Variants in MRTFB observed in about 807,000 individuals in gnomAD.
The protein encoded by MRTFB is myocardin-related transcription factor B.
MRTFB carries 29 observed loss-of-function variants against 104.2 expected under a neutral mutation model. That is an observed-to-expected ratio of 0.28 (90% CI 0.21 to 0.38). MRTFB has a LOEUF of 0.38. Ranked by LOEUF, MRTFB falls within the 10% of genes least tolerant of loss-of-function variation. The probability of loss-of-function intolerance (pLI) is 1.00; values close to 1 mark genes in which losing one functional copy is unlikely to be tolerated. For missense variants in MRTFB, 1,270 were observed against 1,341.6 expected (o/e 0.95, Z 0.83); for synonymous variants, 535 against 519.5 (o/e 1.03, Z -0.41).
intron 10 of MRTFB, chr16:14,241,195 T>C (rs2042752301): frequency 6.0e-6 from 1 of 167,808 alleles, no homozygotes; most frequent in Non-Finnish European, 1.3e-5. Flanking sequence ...AGCTGGATGC[T>C]GGTGTTGAAG....
At position 14,164,895 on chromosome 16, in the gene MRTFB, G is replaced by A. The variant is rs544021602; in HGVS notation, c.154+24135G>A. Among the ~76,000 whole-genome samples, 6 of 151,118 alleles carry A rather than the reference G, an allele frequency of 4.0e-5. No homozygotes were observed. The East Asian group carries it at 9.7e-4, about 24-fold the overall frequency. ...GCTTGCTTAAAGTAAAATAATTATC[G>A]AGGGTTAGGGTTGACTCTGCATGTA... On this transcript the variant is annotated intron_variant, in intron 3 of 16. Transcript: ENST00000571589.
chr16:14,027,265 A>G, the MRTFB span, among the ~76,000 whole-genome samples: 1 of 152,324 alleles, frequency 6.6e-6, no homozygotes, highest in South Asian at 2.1e-4. Flanking sequence ...GCTGTGTGAA[A>G]AAAAAGACAC....
intron 2 of MRTFB, among the ~76,000 whole-genome samples, chr16:14,116,830 C>G (rs1468200706): frequency 6.6e-6 from 1 of 152,044 alleles, no homozygotes; most frequent in Non-Finnish European, 1.5e-5. Flanking sequence ...CACAGTCACC[C>G]CTGGTTGAGA....
the MRTFB span, among the ~76,000 whole-genome samples, chr16:14,011,081 C>T: frequency 6.6e-6 from 1 of 152,214 alleles, no homozygotes; most frequent in African/African-American, 2.4e-5. Flanking sequence ...CTCTGCCACC[C>T]CTGTTCCTGT....
At chr16:14,069,538 G>T (rs561168669), upstream of MRTFB, among the ~76,000 whole-genome samples, 1 of 152,102 alleles carries the variant, frequency 6.6e-6, no homozygotes, top group Non-Finnish European at 1.5e-5. Context: ...CAGACTGGAG[G>T]GCAGTGGCAC....
In MRTFB at chr16:14,085,477, C is replaced by T. The variant is rs982677327; in HGVS notation, c.-64+6123C>T. 9.1e-5 allele frequency among the ~76,000 whole-genome samples: 12 copies of T among 131,266 alleles called. No individual in the cohort carries two copies. The South Asian group carries it at 1.3e-3, about 15-fold the overall frequency. 86.1% of individuals were successfully genotyped at this position (131,266 alleles called of 152,430 possible). ...CATCTCAAAAAAAAAAAAAAAAAAG[C>T]GAAAAGGAAAATACAGCATTTAATA... On this transcript the variant is annotated intron_variant, in intron 2 of 16. Transcript: ENST00000571589.
At chr16:14,087,504 A>C (rs1377910935) in intron 2 of MRTFB, among the ~76,000 whole-genome samples, 1 of 152,204 alleles carries the variant, frequency 6.6e-6, no homozygotes, top group African/African-American at 2.4e-5. Flanking sequence ...GCTGAAAACC[A>C]TCAGTTCCTC....
chr16:14,252,032 G>A lies in MRTFB; in HGVS notation c.2565+9G>A, dbSNP rs2043277360. On this transcript the variant is annotated intron_variant, in intron 14 of 16. Coordinates refer to ENST00000571589, the MANE Select transcript of MRTFB (RefSeq NM_001308142.2). ...CTAACACACCCAACAAGGTAACCCT[G>A]TGAGGCTTGTGTGTCAGTGACAGTG... 3.7e-6 allele frequency: 6 copies of A among 1,613,094 alleles called. No homozygotes were observed. Among genetic ancestry groups the A allele is most frequent in the Non-Finnish European group, 5.1e-6 (6 of 1,179,562 alleles).
At chr16:14,179,817 G>T (rs2039707896) in intron 3 of MRTFB, among the ~76,000 whole-genome samples, 1 of 152,190 alleles carries the variant, frequency 6.6e-6, no homozygotes, top group Admixed American at 6.5e-5. Flanking sequence ...TCCATATGCT[G>T]TACCATCCTA....
the MRTFB span, among the ~76,000 whole-genome samples, chr16:14,001,352 G>A: frequency 8.5e-5 from 13 of 152,194 alleles, no homozygotes; most frequent in Non-Finnish European, 1.8e-4. Context: ...CCTCCTCATA[G>A]GGGATACAGG....
chr16:14,246,930 G>C lies in MRTFB; in HGVS notation c.1670G>C (p.Ser557Thr). 6.2e-7 allele frequency: 1 copy of C among 1,614,018 alleles called. No homozygotes were observed. Among genetic ancestry groups the C allele is most frequent in the Non-Finnish European group, 8.5e-7 (1 of 1,180,024 alleles). The change falls in exon 12 of 17, where the codon AGC (serine) becomes ACC (threonine). Residue 557 changes from serine (S) to threonine (T), a missense_variant. This residue lies in a region of MRTFB where 1,144 missense variants were observed against 1,131.5 expected (regional missense o/e 1.01). Coordinates refer to ENST00000571589, the MANE Select transcript of MRTFB (RefSeq NM_001308142.2). ...TNNEDSLSPT[S>T]STLSNLELDA... ...AATGAAGACAGTCTGAGTCCCACCA[G>C]CAGCACTCTGTCAAACCTGGAACTG...
At chr16:14,163,954 G>A (rs1413317265) in intron 3 of MRTFB, among the ~76,000 whole-genome samples, 4 of 152,176 alleles carry the variant, frequency 2.6e-5, no homozygotes, top group African/African-American at 9.7e-5. Flanking sequence ...ATTTATGGGA[G>A]TGGTGTAATA....
At chr16:14,255,786 AT>A (rs1450788270) in intron 15 of MRTFB, among the ~76,000 whole-genome samples, 1 of 151,816 alleles carries the variant, frequency 6.6e-6, no homozygotes, top group Non-Finnish European at 1.5e-5. Flanking sequence ...TATAGTAACA[AT>A]TTAAAAGATT....
chr16:14,227,277 TA>T (rs371600553), intron 8 of MRTFB, among the ~76,000 whole-genome samples: 3 of 144,522 alleles, frequency 2.1e-5, no homozygotes, highest in African/African-American at 5.6e-5. Context: ...AGCTTGTTGT[TA>T]AAAAAACAAA....
chr16:14,031,251 C>CATG, the MRTFB span, among the ~76,000 whole-genome samples: 2 of 152,010 alleles, frequency 1.3e-5, no homozygotes, highest in Admixed American at 1.3e-4. Flanking sequence ...ATTAGCTGAG[C>CATG]ATGATGGCAC....
chr16:14,193,647 C>T (rs2151071609), intron 3 of MRTFB: 1 of 152,298 alleles, frequency 6.6e-6, no homozygotes. Flanking sequence ...TGTGCTTGCA[C>T]CTGCCGGCCT....
chr16:14,209,394 C>T (rs2041091735), intron 3 of MRTFB, among the ~76,000 whole-genome samples: 1 of 152,184 alleles, frequency 6.6e-6, no homozygotes, highest in South Asian at 2.1e-4. Context: ...AACTTAAAAT[C>T]ACAGTGGAAA....
At chr16:14,018,080 A>C in the MRTFB span, among the ~76,000 whole-genome samples, 1 of 152,188 alleles carries the variant, frequency 6.6e-6, no homozygotes, top group South Asian at 2.1e-4. Flanking sequence ...TTGTATCCAC[A>C]TAAAAACATA....
intron 2 of MRTFB, among the ~76,000 whole-genome samples, chr16:14,118,027 A>G (rs1039723923): frequency 6.6e-6 from 1 of 152,146 alleles, no homozygotes; most frequent in Non-Finnish European, 1.5e-5. Flanking sequence ...GCTTTGATTT[A>G]CATTAAAAGA....
Sources: gnomAD v4.1 joint callset for allele counts (sites outside exome capture counted in the v4.1 genomes callset) on GRCh38, gnomAD v4.1.1 for gene constraint, gnomAD v4.1.1 regional missense constraint, MANE v1.5 for transcripts, NCBI Gene and HGNC (gene_info 2026-07-23, HGNC 2026-07-21) for gene names.